The following DNM1L variants were observed in gnomAD, a reference collection of about 807,000 sequenced individuals.
The protein encoded by DNM1L is dynamin 1L.
In DNM1L, 33 loss-of-function variants were observed where a neutral mutation model predicts 92.8. The ratio of observed to expected loss-of-function variants is 0.36; its 90% CI spans 0.27 to 0.48. The LOEUF is 0.48. DNM1L is among the 20% of genes least tolerant of loss of function. The pLI is 0.99. For synonymous variants in DNM1L, 284 were observed against 305.0 expected, an observed-to-expected ratio of 0.93 and a Z score of 0.72; for missense variants, 485 against 888.8, an observed-to-expected ratio of 0.55 and a Z score of 5.78.
chr12:32,723,315 A>C lies in DNM1L; in HGVS notation c.1079+682A>C, dbSNP rs1185326237. Among the ~76,000 whole-genome samples the C allele has an allele frequency of 2.0e-5, 3 of 152,182 alleles. No individual in the cohort carries two copies. In the East Asian group the frequency reaches 5.8e-4, roughly 29 times the overall value. On this transcript the variant is annotated intron_variant, in intron 9 of 19. Coordinates refer to ENST00000549701, the MANE Select transcript of DNM1L (RefSeq NM_012062.5). ...GCAAACCACATCCCCATTATATAAC[A>C]AGACCAGGTATTATCGACACCTTCA...
Position 32,733,800 on chromosome 12 carries a change from A to T in DNM1L, c.1532A>T (p.Asn511Ile). Residue 511 changes from asparagine to isoleucine, a missense_variant, in exon 13 of 20, where the codon AAT becomes ATT. This residue lies in a region of DNM1L where 65 missense variants were observed against 59.4 expected (regional missense o/e 1.09). Transcript: ENST00000549701. ...FADACGLMNN[N>I]IEEQRRNRLA... ...GATGCTTGTGGGCTAATGAACAATAATATAGAGGTAAATATAATTCTTAAA... is the reference window on the plus strand; with the variant it reads ...GATGCTTGTGGGCTAATGAACAATATTATAGAGGTAAATATAATTCTTAAA... The T allele has an allele frequency of 6.2e-7, 1 of 1,613,466 alleles. No individual in the cohort carries two copies. Among genetic ancestry groups the T allele is most frequent in the Non-Finnish European group, 8.5e-7 (1 of 1,179,468 alleles).
At chr12:32,706,801 T>C (rs1462635383) in intron 2 of DNM1L, 1 of 424,754 alleles carries the variant, frequency 2.4e-6, no homozygotes, top group Middle Eastern at 3.5e-4. Flanking sequence ...GAACAGCAAG[T>C]TGTGGCTCTA....
chr12:32,718,405 C>T (rs1444654514), intron 6 of DNM1L, among the ~76,000 whole-genome samples: 3 of 151,756 alleles, frequency 2.0e-5, no homozygotes, highest in Non-Finnish European at 4.4e-5. Context: ...GCCTTCCAAA[C>T]TGCTAGAATT....
intron 6 of DNM1L, among the ~76,000 whole-genome samples, chr12:32,715,605 GC>G (rs1229661120): frequency 6.6e-6 from 1 of 152,002 alleles, no homozygotes; most frequent in African/African-American, 2.4e-5. Context: ...GGTGGTGCAT[GC>G]CTGTAGTCCC....
At chr12:32,679,543 CG>C in intron 1 of DNM1L, 78 bp downstream of exon 1, 3 of 1,453,842 alleles carry the variant, frequency 2.1e-6, no homozygotes, top group Non-Finnish European at 2.8e-6. Context: ...TGCCCACTCC[CG>C]CGCCAGCGCC....
At chr12:32,694,374 G>A (rs538479973) in intron 1 of DNM1L, among the ~76,000 whole-genome samples, 7 of 152,272 alleles carry the variant, frequency 4.6e-5, no homozygotes, top group South Asian at 4.1e-4. Context: ...GTGAGCCACC[G>A]CGCCCGGCCA....
rs750642664 is a variant in DNM1L at position 32,738,244 on chromosome 12, T to C, written c.1675-20T>C. The C allele has an allele frequency of 1.9e-6, 3 of 1,613,346 alleles. No individual in the cohort carries two copies. On this transcript the variant is annotated intron_variant, in intron 15 of 19. Transcript: ENST00000549701. ...AAATTTTGCTTGTTAAATTGCATGT[T>C]TTAACATATCTTTTAACAGTTAATT...
intron 18 of DNM1L, 65 bp downstream of exon 18, chr12:32,740,583 A>G: frequency 7.3e-7 from 1 of 1,372,356 alleles, no homozygotes. Flanking sequence ...ATCTGTTTTG[A>G]AAAATACATG....
chr12:32,737,381 A>C (rs1170706574), intron 14 of DNM1L: 1 of 522,044 alleles, frequency 1.9e-6, no homozygotes, highest in African/African-American at 2.1e-5. Flanking sequence ...AGTAGATTTA[A>C]GCATTTATTT....
chr12:32,724,752 A>T (rs1199963908), intron 9 of DNM1L, among the ~76,000 whole-genome samples: 2 of 150,124 alleles, frequency 1.3e-5, no homozygotes, highest in East Asian at 3.9e-4. Context: ...TTTCCAGTTT[A>T]GTTGTCAAAG....
intron 1 of DNM1L, among the ~76,000 whole-genome samples, chr12:32,683,566 A>G (rs1951884229): frequency 6.7e-6 from 1 of 148,998 alleles, no homozygotes; most frequent in African/African-American, 2.5e-5. Flanking sequence ...TTTTTTAGAG[A>G]TGGAGTCTTG....
intron 6 of DNM1L, among the ~76,000 whole-genome samples, chr12:32,718,168 G>C (rs978085834): frequency 1.4e-5 from 2 of 142,924 alleles, no homozygotes; most frequent in Non-Finnish European, 3.0e-5. Context: ...TTTAGATGGA[G>C]TCCTGCTCTG....
intron 13 of DNM1L, 116 bp from the exon 14 acceptor site, chr12:32,736,989 C>G (rs965592697): frequency 1.2e-5 from 11 of 927,090 alleles, no homozygotes; most frequent in African/African-American, 1.1e-4. Flanking sequence ...TGAGTCCCAA[C>G]AGTGAGAGGA....
chr12:32,728,063 G>C (rs1384432019), intron 9 of DNM1L: 1 of 152,282 alleles, frequency 6.6e-6, no homozygotes, highest in Non-Finnish European at 1.5e-5. Context: ...GGAAGTTGCA[G>C]GGTGATGTAC....
chr12:32,717,427 CTATATATATTTTAAATATATA>C (rs1953501213), intron 6 of DNM1L, among the ~76,000 whole-genome samples: 11 of 38,330 alleles, frequency 2.9e-4, no homozygotes, highest in African/African-American at 2.0e-3. Flanking sequence ...TAAATATATA[CTATATATATTTTAAATATATA>C]CTATATATAT....
Position 32,738,413 on chromosome 12 carries a change from T to C in DNM1L, c.1707+117T>C, listed in dbSNP as rs1955053216. ...TGGTATCTATCTCTTGTCTGTGTTATGTTCTTAATGTTCCTTTTATCTAAC... is the reference window on the plus strand; with the variant it reads ...TGGTATCTATCTCTTGTCTGTGTTACGTTCTTAATGTTCCTTTTATCTAAC... On this transcript the variant is annotated intron_variant, in intron 16 of 19. Transcript: ENST00000549701. The C allele has an allele frequency of 2.7e-6, 3 of 1,103,360 alleles. No individual in the cohort carries two copies. The East Asian group carries it at 7.3e-5, about 27-fold the overall frequency. 68.3% of individuals were successfully genotyped at this position (1,103,360 alleles called of 1,614,324 possible). A position where few individuals can be genotyped will look rare whatever the true frequency, so the allele number is the denominator to read the frequency against.
Position 32,731,154 on chromosome 12 carries a change from T to TA in DNM1L, c.1200+21dup, listed in dbSNP as rs759105415. On this transcript the variant is annotated intron_variant, in intron 10 of 19. Transcript: ENST00000549701. The surrounding 1 kb of genome is among the most constrained non-coding windows in gnomAD (Gnocchi z 5.1). ...GCTACTGTGAGTATGTTTAGCTTTTTAGACTGTAAAAAAAAATGAGGTTAA... is the reference window on the plus strand; with the variant it reads ...GCTACTGTGAGTATGTTTAGCTTTTTAAGACTGTAAAAAAAAATGAGGTTAA... The TA allele has an allele frequency of 9.0e-5, 146 of 1,613,818 alleles. No individual in the cohort carries two copies. Among genetic ancestry groups the TA allele is most frequent in the Non-Finnish European group, 8.3e-5 (98 of 1,179,974 alleles).
intron 5 of DNM1L, 113 bp downstream of exon 5, chr12:32,711,128 TAAC>T: frequency 2.2e-6 from 2 of 919,162 alleles, no homozygotes; most frequent in Non-Finnish European, 3.5e-6. Flanking sequence ...CAGCATTTGA[TAAC>T]GTTGAGCCCT....
At chr12:32,705,687 G>A (rs543621007) in intron 2 of DNM1L, 6 of 760,206 alleles carry the variant, frequency 7.9e-6, no homozygotes, top group East Asian at 2.6e-5. Context: ...CTTTACTTTC[G>A]TCAGTAAATT....
Sources: allele counts gnomAD v4.1 joint callset (sites outside exome capture counted in the v4.1 genomes callset), GRCh38; gene constraint gnomAD v4.1.1; regional missense constraint gnomAD v4.1.1; non-coding constraint Gnocchi (gnomAD v3.1); transcripts MANE v1.5; gene names NCBI Gene and HGNC (gene_info 2026-07-23, HGNC 2026-07-21).